LEF1: variants seen among roughly 807,000 people sequenced by gnomAD.
LEF1 encodes lymphoid enhancer binding factor 1, also known as lymphoid enhancer-binding factor 1.
Under a neutral mutation model 51.2 loss-of-function variants are expected in LEF1, and 14 were observed. The ratio of observed to expected loss-of-function variants is 0.27; its 90% confidence interval spans 0.18 to 0.43. The LOEUF is 0.43. Among genes scored for constraint, LEF1 ranks in the 20% least tolerant of loss-of-function variants. The pLI, the probability that LEF1 is intolerant of heterozygous loss-of-function variation, is 1.00. For missense variants in LEF1, 386 were observed against 512.0 expected, an observed-to-expected ratio of 0.75 and a Z score of 2.37; for synonymous variants, 185 against 183.2, an observed-to-expected ratio of 1.01 and a Z score of -0.08.
chr4:108,079,582 C>T lies in LEF1; in HGVS notation c.755G>A (p.Gly252Asp), dbSNP rs748665571. ...ATGAGGGATGCCAGTTGTGTGGGGA[C>T]CAGGAGGACCGGGAATCATATGATG... Reference protein sequence around the residue: ...FSHHMIPGPPGPHTTGIPHPA... With the variant: ...FSHHMIPGPPDPHTTGIPHPA... Residue 252 changes from glycine to aspartate, a missense_variant, in exon 7 of 12, where the codon GGT becomes GAT. Gly to Asp is a moderately conservative substitution (Grantham distance 94). Coordinates refer to ENST00000265165, the MANE Select transcript of LEF1 (RefSeq NM_016269.5). The T allele has an allele frequency of 2.0e-5, 33 of 1,613,678 alleles. No individual in the cohort carries two copies. The highest frequency in any genetic ancestry group is 2.7e-5 in the Non-Finnish European group (32 of 1,179,900).
chr4:108,166,377 AG>A (rs1320286611), intron 1 of LEF1: 57 of 1,477,080 alleles, frequency 3.9e-5, no homozygotes, highest in Non-Finnish European at 4.7e-5. Context: ...TTTTGGGGGT[AG>A]AAAGATGCCA....
At chr4:108,105,504 CCTT>C (rs1398475507) in intron 3 of LEF1, among the ~76,000 whole-genome samples, 10 of 152,128 alleles carry the variant, frequency 6.6e-5, no homozygotes, top group African/African-American at 2.2e-4. Context: ...AATATCCACT[CCTT>C]AAGAAGACTA....
At chr4:108,086,394 TCA>T (rs1739649444) in intron 4 of LEF1, among the ~76,000 whole-genome samples, 1 of 152,212 alleles carries the variant, frequency 6.6e-6, no homozygotes, top group African/African-American at 2.4e-5. Context: ...CCAGCACATT[TCA>T]CATCATTTAT....
chr4:108,058,924 T>A (rs1308565713), intron 11 of LEF1, among the ~76,000 whole-genome samples: 1 of 152,150 alleles, frequency 6.6e-6, no homozygotes, highest in East Asian at 1.9e-4. Context: ...TGCAGTCTTA[T>A]CCCCTGAGGC....
intron 3 of LEF1, among the ~76,000 whole-genome samples, chr4:108,130,282 T>G (rs1483666639): frequency 1.3e-5 from 2 of 152,162 alleles, no homozygotes; most frequent in Non-Finnish European, 2.9e-5. Context: ...ATGAGACCAT[T>G]AAGAGTTTGA....
In LEF1 at chr4:108,123,905, G is replaced by A. The variant is rs115514537; in HGVS notation, c.415-34648C>T. Among the ~76,000 whole-genome samples, 1,028 of 152,232 alleles carry A rather than the reference G, an allele frequency of 6.8e-3. 11 individuals carry two copies. The highest frequency in any genetic ancestry group is 0.024 in the African/African-American group (978 of 41,512). ...CCTGTAAATCCCAGCAATTTGGGAGGCTGAGACAGGAGGATCACCTGAGGC... is the reference window on the plus strand; with the variant it reads ...CCTGTAAATCCCAGCAATTTGGGAGACTGAGACAGGAGGATCACCTGAGGC... On this transcript the variant is annotated intron_variant, in intron 3 of 11. Transcript: ENST00000265165.
chr4:108,123,432 G>GTTTTTTTTTTT (rs34015287), intron 3 of LEF1, among the ~76,000 whole-genome samples: 1 of 72,370 alleles, frequency 1.4e-5, no homozygotes, highest in African/African-American at 6.5e-5. Context: ...GCTAGGGTTG[G>GTTTTTTTTTTT]TTTTTTTTTT....
chr4:108,055,852 G>C (rs528498411), intron 11 of LEF1, among the ~76,000 whole-genome samples: 1 of 152,276 alleles, frequency 6.6e-6, no homozygotes, highest in East Asian at 1.9e-4. Flanking sequence ...ATAATTGATG[G>C]AAGGGATACT....
chr4:108,138,851 G>T (rs72898316), intron 3 of LEF1, among the ~76,000 whole-genome samples: 7,322 of 152,284 alleles, frequency 0.048, 575 homozygotes, highest in African/African-American at 0.16. Context: ...ACCTACATGT[G>T]CCACCATGCC....
chr4:108,077,202 G>T (rs879384091), intron 8 of LEF1, among the ~76,000 whole-genome samples: 33 of 152,002 alleles, frequency 2.2e-4, no homozygotes, highest in Non-Finnish European at 3.7e-4. Flanking sequence ...AATTAGCCAG[G>T]CATTGGCCAC....
intron 3 of LEF1, among the ~76,000 whole-genome samples, chr4:108,124,821 A>C (rs1248623994): frequency 6.6e-6 from 1 of 152,174 alleles, no homozygotes; most frequent in Non-Finnish European, 1.5e-5. Flanking sequence ...TCTTCAAGTA[A>C]TTTGTCCAAA....
intron 3 of LEF1, among the ~76,000 whole-genome samples, chr4:108,147,545 C>T (rs1744070508): frequency 6.6e-6 from 1 of 152,038 alleles, no homozygotes; most frequent in Non-Finnish European, 1.5e-5. Flanking sequence ...CATAAGAAGC[C>T]CTCATAAAAT....
chr4:108,089,292 G>A lies in LEF1; in HGVS notation c.415-35C>T, dbSNP rs753425714. ...AACCACAAGGTCAATAGTTAATATGGATGCCCAGCTCCAGTCTTTTCTCCC... is the reference window on the plus strand; with the variant it reads ...AACCACAAGGTCAATAGTTAATATGAATGCCCAGCTCCAGTCTTTTCTCCC... On this transcript the variant is annotated intron_variant, in intron 3 of 11. Transcript: ENST00000265165. 7.5e-6 allele frequency: 12 copies of A among 1,597,464 alleles called. No individual in the cohort carries two copies. The South Asian group carries it at 8.9e-5, about 12-fold the overall frequency.
rs56308006 is a variant in LEF1, at chr4:108,157,825, G to A, written c.414+5743C>T. Among the ~76,000 whole-genome samples, 1,169 of 152,286 alleles carry A rather than the reference G, an allele frequency of 7.7e-3. 11 individuals carry two copies. The highest frequency in any genetic ancestry group is 0.027 in the African/African-American group (1,114 of 41,556). ...GTAAGTGATCTAGAGATAACAAGTG[G>A]ATAATTGCAGCAGGTTTACAGGTTT... On this transcript the variant is annotated intron_variant, in intron 3 of 11. Coordinates refer to ENST00000265165, the MANE Select transcript of LEF1 (RefSeq NM_016269.5).
At chr4:108,108,939 T>C (rs920003045) in intron 3 of LEF1, among the ~76,000 whole-genome samples, 2 of 152,180 alleles carry the variant, frequency 1.3e-5, no homozygotes, top group Non-Finnish European at 2.9e-5. Context: ...CAACCAGGAA[T>C]ACAGGATTGG....
chr4:108,131,729 C>G (rs531773195), intron 3 of LEF1, among the ~76,000 whole-genome samples: 109 of 152,130 alleles, frequency 7.2e-4, no homozygotes, highest in African/African-American at 2.6e-3. Context: ...TTCTGACATG[C>G]TAAGAGTCCT....
At chr4:108,051,033 A>C (rs917658938) in intron 11 of LEF1, among the ~76,000 whole-genome samples, 3 of 152,182 alleles carry the variant, frequency 2.0e-5, no homozygotes, top group African/African-American at 7.2e-5. Flanking sequence ...TAACACAAAC[A>C]TGGGTGCCCA....
At chr4:108,098,826 A>G (rs73839826) in intron 3 of LEF1, among the ~76,000 whole-genome samples, 3,425 of 152,342 alleles carry the variant, frequency 0.022, 132 homozygotes, top group African/African-American at 0.076. Flanking sequence ...TTCAGCTACT[A>G]TCAGTCAGAT....
intron 3 of LEF1, among the ~76,000 whole-genome samples, chr4:108,123,035 A>G (rs1742276050): frequency 6.6e-6 from 1 of 151,954 alleles, no homozygotes; most frequent in African/African-American, 2.4e-5. Flanking sequence ...GTGTGTTGTG[A>G]TTTTCTATTC....
Sources: allele counts gnomAD v4.1 joint callset (sites outside exome capture counted in the v4.1 genomes callset), GRCh38; gene constraint gnomAD v4.1.1; transcripts MANE v1.5; gene names NCBI Gene and HGNC (gene_info 2026-07-23, HGNC 2026-07-21).